Variants in CIT observed in about 807,000 individuals in gnomAD.
CIT encodes the protein citron rho-interacting serine/threonine kinase, also known as citron Rho-interacting kinase.
In CIT, 79 loss-of-function variants were observed where a neutral mutation model predicts 272.7. That is an observed-to-expected ratio of 0.29 (90% CI 0.24 to 0.35). CIT has a LOEUF of 0.35. CIT is among the 10% of genes least tolerant of loss of function. The pLI, the probability that CIT is intolerant of heterozygous loss-of-function variation, is 1.00. For missense variants in CIT, 1,909 were observed against 2,618.3 expected (o/e 0.73, Z 5.91); for synonymous variants, 948 against 995.6 (o/e 0.95, Z 0.90).
intron 7 of CIT, 133 bp from the exon 8 acceptor site, chr12:119,825,501 A>T: frequency 2.7e-6 from 2 of 729,560 alleles, no homozygotes; most frequent in African/African-American, 1.8e-5. Context: ...CCAGCTGTCA[A>T]GTGGCACACT....
chr12:119,824,414 T>G (rs1050820880), intron 8 of CIT, among the ~76,000 whole-genome samples: 2 of 152,158 alleles, frequency 1.3e-5, no homozygotes, highest in Non-Finnish European at 2.9e-5. Flanking sequence ...ATTCTAAGAC[T>G]CACAGTTATT....
At position 119,714,322 on chromosome 12, in the gene CIT, C is replaced by T. The variant is rs767893979; in HGVS notation, c.4181G>A (p.Arg1394His). The T allele has an allele frequency of 4.0e-5, 65 of 1,613,892 alleles. 1 individual carries two copies. The highest frequency in any genetic ancestry group is 2.1e-4 in the South Asian group (19 of 91,038). The change falls in exon 33 of 48, where the codon CGT (arginine) becomes CAT (histidine). Residue 1394 changes from arginine to histidine, a missense_variant. By Grantham distance (29) the Arg-to-His change is conservative. Around this residue, in one of 8 missense-constraint regions of CIT, gnomAD observed 780 missense variants for 1,067.2 expected, o/e 0.73. Transcript: ENST00000392521. Reference protein sequence around the residue: ...ESSTPEEFSRRLKERMHHNIP... With the variant: ...ESSTPEEFSRHLKERMHHNIP... ...ATTGTGGTGCATGCGTTCCTTAAGA[C>T]GCCGACTAAATTCTGGAGGAAAATG... is the stretch of plus-strand genomic sequence containing the variant.
At chr12:119,745,168 A>G (rs919246658) in intron 23 of CIT, among the ~76,000 whole-genome samples, 2 of 151,260 alleles carry the variant, frequency 1.3e-5, no homozygotes, top group African/African-American at 4.9e-5. Context: ...AAAGCACACT[A>G]TAATGAAACT....
chr12:119,719,548 G>T (rs1053300262), intron 30 of CIT, among the ~76,000 whole-genome samples: 2 of 152,200 alleles, frequency 1.3e-5, no homozygotes, highest in African/African-American at 4.8e-5. Flanking sequence ...CACGCAGCAT[G>T]CAAGAAAATC....
At chr12:119,839,124 G>C (rs1566110819) in intron 5 of CIT, among the ~76,000 whole-genome samples, 1 of 152,198 alleles carries the variant, frequency 6.6e-6, no homozygotes, top group Non-Finnish European at 1.5e-5. Context: ...TGTTCAGTTT[G>C]GAAGTAGCGG....
At chr12:119,830,465 C>T (rs1968534218) in intron 7 of CIT, among the ~76,000 whole-genome samples, 1 of 151,900 alleles carries the variant, frequency 6.6e-6, no homozygotes, top group Non-Finnish European at 1.5e-5. Context: ...TTCTTAATTC[C>T]TATTTATTTA....
At chr12:119,864,309 T>C (rs1055066603) in intron 3 of CIT, among the ~76,000 whole-genome samples, 10 of 152,052 alleles carry the variant, frequency 6.6e-5, no homozygotes, top group African/African-American at 1.9e-4. Flanking sequence ...TTTGTTGTGG[T>C]GGTGGTTTTG....
Position 119,784,488 on chromosome 12 carries a change from G to A in CIT, c.1402-437C>T. ...TTCGTCTGCACTCTTAGGAGTCCCAGGCAAGCAGTGACTTATTAGTTTCCA... is the reference window on the plus strand; with the variant it reads ...TTCGTCTGCACTCTTAGGAGTCCCAAGCAAGCAGTGACTTATTAGTTTCCA... On this transcript the variant is annotated intron_variant, in intron 11 of 47. Transcript: ENST00000392521. This position sits in a 1 kb window ranked among gnomAD's most constrained non-coding sequence, Gnocchi z 4.7. The A allele has an allele frequency of 5.9e-6, 7 of 1,189,742 alleles. No individual in the cohort carries two copies. The highest frequency in any genetic ancestry group is 7.4e-6 in the Non-Finnish European group (7 of 946,172). 73.7% of individuals were successfully genotyped at this position (1,189,742 alleles called of 1,614,324 possible).
chr12:119,722,264 C>T (rs1957843106), intron 28 of CIT, among the ~76,000 whole-genome samples: 1 of 152,148 alleles, frequency 6.6e-6, no homozygotes, highest in African/African-American at 2.4e-5. Flanking sequence ...TTTATCCAAA[C>T]CCTGGATTAT....
At chr12:119,738,820 T>A (rs1593539356) in intron 24 of CIT, among the ~76,000 whole-genome samples, 1 of 149,830 alleles carries the variant, frequency 6.7e-6, no homozygotes, top group Non-Finnish European at 1.5e-5. Context: ...GAGGCGGAGG[T>A]TGTGGTGAGC....
chr12:119,731,000 G>A lies in CIT; in HGVS notation c.3351-370C>T, dbSNP rs1183785837. ...AAATTAGCTGGGTGTGGTGGCGTGC[G>A]CCCCTAAACCCAGCTACTCGGGAGG... On this transcript the variant is annotated intron_variant, in intron 26 of 47. Transcript: ENST00000392521. 6.6e-5 allele frequency among the ~76,000 whole-genome samples: 10 copies of A among 151,936 alleles called. No homozygotes were observed. The East Asian group carries it at 1.2e-3, about 18-fold the overall frequency.
intron 30 of CIT, 90 bp downstream of exon 30, chr12:119,720,388 T>C (rs1374098384): frequency 1.2e-6 from 1 of 861,304 alleles, no homozygotes; most frequent in Non-Finnish European, 1.8e-6. Context: ...TTCTTCTATG[T>C]TCCTATGATC....
At chr12:119,769,784 A>T (rs1356761244) in intron 18 of CIT, among the ~76,000 whole-genome samples, 2 of 152,214 alleles carry the variant, frequency 1.3e-5, no homozygotes, top group South Asian at 2.1e-4. Context: ...ATTCGAGAAC[A>T]TCCATATATT....
At chr12:119,789,023 ATC>A (rs1219993043) in intron 10 of CIT, among the ~76,000 whole-genome samples, 1 of 152,192 alleles carries the variant, frequency 6.6e-6, no homozygotes, top group Admixed American at 6.5e-5. Flanking sequence ...AGTAAAGGTT[ATC>A]AGGCTTCCTA....
At chr12:119,785,947 T>G (rs1281599628) in intron 10 of CIT, among the ~76,000 whole-genome samples, 1 of 152,180 alleles carries the variant, frequency 6.6e-6, no homozygotes. Flanking sequence ...CCACTAAGTT[T>G]GTGGTCATTT....
Position 119,850,232 on chromosome 12 carries a change from G to C in CIT, c.458C>G (p.Thr153Arg). Residue 153 changes from threonine to arginine, a missense_variant, in exon 5 of 48, where the codon ACA (threonine) becomes AGA (arginine). Transcript: ENST00000392521. ...CTGTAATTGGGGGATCCACGGGCTT[G>C]TGCTTCGAGATAATATGTTCCGCTC... ...EEERNILSRS[T>R]SPWIPQLQYA... The C allele has an allele frequency of 6.2e-7, 1 of 1,613,674 alleles. No homozygotes were observed. Among genetic ancestry groups the C allele is most frequent in the Non-Finnish European group, 8.5e-7 (1 of 1,179,742 alleles).
intron 5 of CIT, among the ~76,000 whole-genome samples, chr12:119,834,692 A>T (rs1214278161): frequency 6.6e-6 from 1 of 152,264 alleles, no homozygotes; most frequent in Non-Finnish European, 1.5e-5. Context: ...GGCAACTGAC[A>T]GCCTCTATTC....
chr12:119,714,340 G>C lies in CIT; in HGVS notation c.4169-6C>G, dbSNP rs1285065948. 1.9e-6 allele frequency: 3 copies of C among 1,613,388 alleles called. No individual in the cohort carries two copies. Among genetic ancestry groups the C allele is most frequent in the Non-Finnish European group, 2.5e-6 (3 of 1,179,630 alleles). On this transcript the variant is annotated splice_region_variant and splice_polypyrimidine_tract_variant and intron_variant, in intron 32 of 47. Coordinates refer to ENST00000392521, the MANE Select transcript of CIT (RefSeq NM_001206999.2). ...CTTAAGACGCCGACTAAATTCTGGA[G>C]GAAAATGTTTTAAAAAATCATTAGA... is the stretch of plus-strand genomic sequence containing the variant.
Position 119,769,971 on chromosome 12 carries a change from A to G in CIT, c.2208+814T>C, listed in dbSNP as rs1184501566. ...TCACGACCTTGCCTCCTTAGGGTGG[A>G]GAGGAATGACCAATGACTTCAGAGA... On this transcript the variant is annotated intron_variant, in intron 18 of 47. Coordinates refer to ENST00000392521, the MANE Select transcript of CIT (RefSeq NM_001206999.2). 2.0e-5 allele frequency among the ~76,000 whole-genome samples: 3 copies of G among 152,012 alleles called. No homozygotes were observed. In the East Asian group the frequency reaches 5.8e-4, roughly 29 times the overall value.
Sources: gnomAD v4.1 joint callset for allele counts (sites outside exome capture counted in the v4.1 genomes callset) on GRCh38, gnomAD v4.1.1 for gene constraint, gnomAD v4.1.1 regional missense constraint, Gnocchi (gnomAD v3.1) non-coding constraint, MANE v1.5 for transcripts, NCBI Gene and HGNC (gene_info 2026-07-23, HGNC 2026-07-21) for gene names.